ADGRL1: variants seen among roughly 807,000 people sequenced by gnomAD.
ADGRL1 encodes the protein adhesion G protein-coupled receptor L1.
ADGRL1 carries 31 observed loss-of-function variants against 148.9 expected under a neutral mutation model. The observed-to-expected ratio is 0.21, with a 90% CI of 0.16 to 0.28. The LOEUF is 0.28. Among genes scored for constraint, ADGRL1 ranks in the 10% least tolerant of loss-of-function variants. The pLI is 1.00. For missense variants in ADGRL1, 1,521 were observed against 2,058.8 expected (o/e 0.74, Z 5.05); for synonymous variants, 937 against 900.3 (o/e 1.04, Z -0.73).
At chr19:14,174,725 A>G (rs894242056) in intron 3 of ADGRL1, among the ~76,000 whole-genome samples, 2 of 151,634 alleles carry the variant, frequency 1.3e-5, no homozygotes, top group African/African-American at 4.8e-5. Flanking sequence ...TGGTAGAGAC[A>G]GGGTTTCACC....
chr19:14,203,784 C>T (rs993992875), intron 1 of ADGRL1, among the ~76,000 whole-genome samples: 2 of 151,956 alleles, frequency 1.3e-5, no homozygotes, highest in Non-Finnish European at 2.9e-5. Flanking sequence ...CAGCTACACC[C>T]CCAAGAGCAG....
chr19:14,157,389 G>A lies in ADGRL1; in HGVS notation c.2607C>T (p.Cys869=). ...TWVGIVISLV[C]LAICISTFCF... ...AGAAGGTGGAGATGCAGATGGCCAA[G>A]CAGACCAGGGAGATCACAATGCCCA... The change falls in exon 14 of 23, where the codon TGC becomes TGT. Residue 869 remains cysteine, a synonymous_variant. Transcript: ENST00000361434. This position sits in a 1 kb window ranked among gnomAD's most constrained non-coding sequence, Gnocchi z 7.5. 1 of 1,614,208 alleles carries A rather than the reference G, an allele frequency of 6.2e-7. No homozygotes were observed. The highest frequency in any genetic ancestry group is 8.5e-7 in the Non-Finnish European group (1 of 1,180,028).
chr19:14,200,240 G>C (rs567499165), intron 1 of ADGRL1, among the ~76,000 whole-genome samples: 6 of 152,120 alleles, frequency 3.9e-5, no homozygotes, highest in Admixed American at 3.9e-4. Flanking sequence ...CAGCTGCATC[G>C]AGGAAGCGGG....
chr19:14,176,615 T>C (rs912649297), intron 3 of ADGRL1, among the ~76,000 whole-genome samples: 7 of 151,910 alleles, frequency 4.6e-5, no homozygotes, highest in Non-Finnish European at 7.4e-5. Flanking sequence ...GGCAGGAGGA[T>C]TGCTTGAGGC....
chr19:14,159,536 A>C lies in ADGRL1; in HGVS notation c.1888T>G (p.Ser630Ala). 1 of 1,608,210 alleles carries C rather than the reference A, an allele frequency of 6.2e-7. No individual in the cohort carries two copies. Among genetic ancestry groups the C allele is most frequent in the Non-Finnish European group, 8.5e-7 (1 of 1,175,882 alleles). ...TCCGTGGCATTCATGTCCTTCCAGG[A>C]CTCCAGAGCTTCTGGCCGGAGCAGA... ...DNLLRPEALE[S>A]WKDMNATEQV... The change falls in exon 10 of 23, where the codon TCC (serine) becomes GCC (alanine). Residue 630 changes from serine (S) to alanine (A), a missense_variant. By Grantham distance (99) the Ser-to-Ala change is moderately conservative. This residue lies in a region of ADGRL1 where 265 missense variants were observed against 431.9 expected (regional missense o/e 0.61). Coordinates refer to ENST00000361434, the MANE Select transcript of ADGRL1 (RefSeq NM_014921.5). This position sits in a 1 kb window ranked among gnomAD's most constrained non-coding sequence, Gnocchi z 6.0.
chr19:14,181,190 G>C (rs1043875158), intron 2 of ADGRL1, among the ~76,000 whole-genome samples: 2 of 152,260 alleles, frequency 1.3e-5, no homozygotes, highest in African/African-American at 4.8e-5. Context: ...GGCTTGGCTT[G>C]GGGACTTCCC....
At chr19:14,169,329 C>T (rs1268044267) in intron 4 of ADGRL1, 1 of 152,252 alleles carries the variant, frequency 6.6e-6, no homozygotes, top group Non-Finnish European at 1.5e-5. Flanking sequence ...ATCATTTGCT[C>T]AAGGTTTCAG....
chr19:14,177,424 G>T, intron 3 of ADGRL1, 107 bp downstream of exon 3: 1 of 1,008,616 alleles, frequency 9.9e-7, no homozygotes, highest in Non-Finnish European at 1.5e-6. Flanking sequence ...CAGTAAACAT[G>T]TGTTGAATGC....
chr19:14,191,133 G>A (rs1355194883), intron 1 of ADGRL1: 1 of 456,488 alleles, frequency 2.2e-6, no homozygotes, highest in Non-Finnish European at 4.4e-6. Flanking sequence ...TGGGTCTTCT[G>A]CTTTAACCCC....
In ADGRL1 at chr19:14,156,124, G is replaced by A. The variant is rs1463470972; in HGVS notation, c.3111C>T (p.Arg1037=). ...SSSVLKPDSS[R]LDNIKSWALG... ...GCGAGGCTCACTTAATGTTGTCCAGGCGGCTGGAGTCGGGCTTGAGCACAG... is the reference window on the plus strand; with the variant it reads ...GCGAGGCTCACTTAATGTTGTCCAGACGGCTGGAGTCGGGCTTGAGCACAG... Residue 1037 remains arginine, a synonymous_variant, in exon 17 of 23, where the codon CGC becomes CGT. Coordinates refer to ENST00000361434, the MANE Select transcript of ADGRL1 (RefSeq NM_014921.5). 2 of 1,611,956 alleles carry A rather than the reference G, an allele frequency of 1.2e-6. No individual in the cohort carries two copies. The highest frequency in any genetic ancestry group is 3.3e-5 in the Admixed American group (2 of 59,906).
At chr19:14,188,153 G>T (rs1284096593) in intron 1 of ADGRL1, among the ~76,000 whole-genome samples, 1 of 152,122 alleles carries the variant, frequency 6.6e-6, no homozygotes, top group African/African-American at 2.4e-5. Context: ...CAAATTGTGT[G>T]GGCAGCGAAT....
intron 4 of ADGRL1, chr19:14,167,123 G>A (rs1184604805): frequency 1.2e-5 from 14 of 1,144,886 alleles, no homozygotes; most frequent in South Asian, 5.3e-5. Flanking sequence ...AATTGCTTTC[G>A]TTTCTTTTCT....
At chr19:14,167,079 T>C (rs768289437) in intron 4 of ADGRL1, 21 of 1,459,876 alleles carry the variant, frequency 1.4e-5, no homozygotes, top group Non-Finnish European at 1.7e-5. Flanking sequence ...AAAAAAAAAA[T>C]GTGCAAGAAA....
rs1469605496 is a variant in ADGRL1, at chr19:14,148,771, A to T, written c.*2102T>A. ...ACCTCTTCCCCACACCTGTTCCCTT[A>T]CACGGGACAAACCACCATCTTTGGT... On this transcript the variant is annotated 3_prime_UTR_variant, in exon 23 of 23. Transcript: ENST00000361434. 6.6e-6 allele frequency: 1 copy of T among 152,654 alleles called. No homozygotes were observed. The highest frequency in any genetic ancestry group is 2.4e-5 in the African/African-American group (1 of 41,400). The allele number at this position is 152,654 out of a possible 1,614,324, so 9.5% of individuals were successfully genotyped here.
At chr19:14,179,453 C>T (rs1157460490) in intron 2 of ADGRL1, among the ~76,000 whole-genome samples, 1 of 151,834 alleles carries the variant, frequency 6.6e-6, no homozygotes, top group African/African-American at 2.4e-5. Flanking sequence ...GAGATTGCAC[C>T]ACTGCACTAC....
At chr19:14,156,753 A>C in intron 15 of ADGRL1, 29 bp from the exon 16 acceptor site, 1 of 1,591,872 alleles carries the variant, frequency 6.3e-7, no homozygotes, top group Non-Finnish European at 8.6e-7. Flanking sequence ...CGGGGTATAG[A>C]GAGAAGCCGA....
At chr19:14,158,700 G>A in intron 11 of ADGRL1, 148 bp from the exon 12 acceptor site, 1 of 659,644 alleles carries the variant, frequency 1.5e-6, no homozygotes, top group Non-Finnish European at 2.6e-6. Context: ...GCCCAGGCAG[G>A]TGGGGGTCAG....
chr19:14,194,916 G>C (rs1357038008), intron 1 of ADGRL1, among the ~76,000 whole-genome samples: 1 of 141,600 alleles, frequency 7.1e-6, no homozygotes. Flanking sequence ...GCAGGATCTT[G>C]CTGTGTCGCC....
Position 14,151,630 on chromosome 19 carries a change from G to A in ADGRL1, c.3668-15C>T, listed in dbSNP as rs1166717584. On this transcript the variant is annotated splice_polypyrimidine_tract_variant and intron_variant, in intron 22 of 22. Coordinates refer to ENST00000361434, the MANE Select transcript of ADGRL1 (RefSeq NM_014921.5). ...CAAGGGGTGCTCTGCAGGGCAGAAA[G>A]GGGCTGGTCAGGTTGAAGAGGGGCC... is the stretch of plus-strand genomic sequence containing the variant. 1 of 1,576,048 alleles carries A rather than the reference G, an allele frequency of 6.3e-7. No individual in the cohort carries two copies. The highest frequency in any genetic ancestry group is 1.2e-5 in the South Asian group (1 of 86,924).
Sources: allele counts gnomAD v4.1 joint callset (sites outside exome capture counted in the v4.1 genomes callset), GRCh38; gene constraint gnomAD v4.1.1; regional missense constraint gnomAD v4.1.1; non-coding constraint Gnocchi (gnomAD v3.1); transcripts MANE v1.5; gene names NCBI Gene and HGNC (gene_info 2026-07-23, HGNC 2026-07-21).